The following COL13A1 variants were observed in gnomAD, a reference collection of about 807,000 sequenced individuals.
COL13A1 encodes the protein collagen type XIII alpha 1 chain.
A neutral mutation model predicts 130.9 loss-of-function variants in COL13A1; 89 were observed. That is an observed-to-expected ratio of 0.68 (90% confidence interval 0.57 to 0.81). The LOEUF (loss-of-function observed/expected upper bound fraction) is 0.81. Ranked by LOEUF, COL13A1 falls within the 30% of genes least tolerant of loss-of-function variation. The pLI is 0.00. For missense variants in COL13A1, 879 were observed against 934.6 expected (o/e 0.94, Z 0.78); for synonymous variants, 402 against 341.6 (o/e 1.18, Z -1.95).
chr10:69,956,200 C>T (rs1390632030), intron 39 of COL13A1: 1 of 152,206 alleles, frequency 6.6e-6, no homozygotes, highest in East Asian at 1.9e-4. Context: ...TTCTAGATTC[C>T]CCATAGGGTA....
intron 20 of COL13A1, 99 bp from the exon 21 acceptor site, chr10:69,919,566 A>G (rs916698580): frequency 7.5e-6 from 3 of 399,026 alleles, no homozygotes; most frequent in Admixed American, 8.8e-5. Context: ...AGCTTAAGGG[A>G]CAAGTATTCT....
chr10:69,922,221 G>C (rs1362810761), intron 22 of COL13A1, among the ~76,000 whole-genome samples: 1 of 151,182 alleles, frequency 6.6e-6, no homozygotes, highest in Non-Finnish European at 1.5e-5. Flanking sequence ...AACTCTGTAA[G>C]ATATTTAATT....
At chr10:69,835,703 G>A (rs1335733626) in intron 2 of COL13A1, among the ~76,000 whole-genome samples, 1 of 152,220 alleles carries the variant, frequency 6.6e-6, no homozygotes, top group East Asian at 1.9e-4. Context: ...AACATCAGAA[G>A]GCAAATGCCC....
chr10:69,836,839 C>T (rs1364648854), intron 2 of COL13A1, among the ~76,000 whole-genome samples: 1 of 152,198 alleles, frequency 6.6e-6, no homozygotes, highest in Non-Finnish European at 1.5e-5. Context: ...TAAACCCCAA[C>T]TGGGGAGGAA....
At chr10:69,917,428 A>C (rs2064063736) in intron 18 of COL13A1, 95 bp downstream of exon 18, 2 of 1,132,178 alleles carry the variant, frequency 1.8e-6, no homozygotes, top group Non-Finnish European at 1.3e-6. Flanking sequence ...CTGGAGTCCC[A>C]GCTCTTTGGG....
At chr10:69,846,864 T>C (rs1044050994) in intron 2 of COL13A1, among the ~76,000 whole-genome samples, 3 of 152,154 alleles carry the variant, frequency 2.0e-5, no homozygotes, top group African/African-American at 7.2e-5. Context: ...GCAGGAGCAG[T>C]GACTGCAGCT....
At chr10:69,879,936 G>A (rs533000031) in intron 6 of COL13A1, among the ~76,000 whole-genome samples, 6 of 152,300 alleles carry the variant, frequency 3.9e-5, no homozygotes, top group South Asian at 4.2e-4. Flanking sequence ...CACACAGCAC[G>A]CATGTTGCTC....
At chr10:69,936,125 GAA>G (rs2066842957) in intron 32 of COL13A1, among the ~76,000 whole-genome samples, 1 of 92,404 alleles carries the variant, frequency 1.1e-5, no homozygotes, top group African/African-American at 5.0e-5. Flanking sequence ...AGGAAGGAAG[GAA>G]AGAAGGAAGG....
chr10:69,939,002 G>A (rs545348684), intron 34 of COL13A1, among the ~76,000 whole-genome samples: 2 of 152,238 alleles, frequency 1.3e-5, no homozygotes, highest in African/African-American at 2.4e-5. Context: ...AAGGCACAGC[G>A]ACCAAACAGG....
intron 17 of COL13A1, among the ~76,000 whole-genome samples, chr10:69,907,097 A>T (rs1423547366): frequency 6.6e-6 from 1 of 152,242 alleles, no homozygotes; most frequent in Non-Finnish European, 1.5e-5. Context: ...TATTTTAGAT[A>T]GGTAAACAAT....
At chr10:69,944,056 A>C (rs1028200821) in intron 35 of COL13A1, 69 bp from the exon 36 acceptor site, 8 of 1,342,552 alleles carry the variant, frequency 6.0e-6, no homozygotes, top group East Asian at 2.3e-5. Flanking sequence ...ATCTCTAGGC[A>C]TCAGGTGGGG....
intron 2 of COL13A1, among the ~76,000 whole-genome samples, chr10:69,837,282 G>A (rs1850355825): frequency 1.3e-5 from 2 of 152,194 alleles, no homozygotes; most frequent in Non-Finnish European, 1.5e-5. Context: ...TCTGATTGGT[G>A]GGTCTCTGTA....
chr10:69,954,004 A>T (rs2070138186), intron 39 of COL13A1: 1 of 152,910 alleles, frequency 6.5e-6, no homozygotes, highest in South Asian at 2.1e-4. Context: ...GGCTGGACGG[A>T]CTGGATGCCC....
intron 2 of COL13A1, among the ~76,000 whole-genome samples, chr10:69,836,184 C>T (rs1839959442): frequency 6.6e-6 from 1 of 152,234 alleles, no homozygotes; most frequent in African/African-American, 2.4e-5. Flanking sequence ...AGAGAAGAGC[C>T]CACAGTCCAG....
At chr10:69,833,567 A>G (rs1849317494) in intron 2 of COL13A1, among the ~76,000 whole-genome samples, 1 of 152,212 alleles carries the variant, frequency 6.6e-6, no homozygotes, top group African/African-American at 2.4e-5. Context: ...AGTTTGGGAA[A>G]TGCAAGAAAA....
At chr10:69,912,852 C>A (rs2063529026) in intron 17 of COL13A1, among the ~76,000 whole-genome samples, 1 of 152,188 alleles carries the variant, frequency 6.6e-6, no homozygotes, top group South Asian at 2.1e-4. Flanking sequence ...GAGGCCACTC[C>A]CACAGGAGCA....
At chr10:69,879,217 C>T (rs1004475150) in intron 6 of COL13A1, among the ~76,000 whole-genome samples, 18 of 152,216 alleles carry the variant, frequency 1.2e-4, no homozygotes, top group African/African-American at 4.1e-4. Context: ...GGGCTCCTAG[C>T]TACCATGCTA....
chr10:69,810,592 A>T (rs1842796812), intron 1 of COL13A1, among the ~76,000 whole-genome samples: 1 of 152,172 alleles, frequency 6.6e-6, no homozygotes, highest in Non-Finnish European at 1.5e-5. Flanking sequence ...AAATCAACTG[A>T]GGTTTGCCCT....
intron 19 of COL13A1, 55 bp downstream of exon 19, chr10:69,918,372 G>T: frequency 6.3e-7 from 1 of 1,578,070 alleles, no homozygotes; most frequent in South Asian, 1.1e-5. Flanking sequence ...AGAAGAGAGC[G>T]GGCAGAGCTG....
Sources: gnomAD v4.1 joint callset for allele counts (sites outside exome capture counted in the v4.1 genomes callset) on GRCh38, gnomAD v4.1.1 for gene constraint, MANE v1.5 for transcripts, NCBI Gene and HGNC (gene_info 2026-07-23, HGNC 2026-07-21) for gene names.